Variants in PPP1R12B observed in about 807,000 individuals in gnomAD.
PPP1R12B encodes the protein myosin phosphatase target subunit 2.
PPP1R12B carries 76 observed loss-of-function variants against 126.1 expected under a neutral mutation model. That is an observed-to-expected ratio of 0.60 (90% CI 0.50 to 0.73). The LOEUF (loss-of-function observed/expected upper bound fraction) is 0.73, where lower values mean the gene tolerates loss of function less well. PPP1R12B is among the 30% of genes least tolerant of loss of function. The pLI is 0.00. For synonymous variants in PPP1R12B, 356 were observed against 434.7 expected, an observed-to-expected ratio of 0.82 and a Z score of 2.25; for missense variants, 1,052 against 1,205.1, an observed-to-expected ratio of 0.87 and a Z score of 1.88.
intron 18 of PPP1R12B, among the ~76,000 whole-genome samples, chr1:202,552,420 T>C (rs1447509190): frequency 3.3e-5 from 5 of 152,232 alleles, no homozygotes; most frequent in Non-Finnish European, 1.5e-5. Context: ...CTTAGACTTA[T>C]ATATGAAACC....
intron 1 of PPP1R12B, among the ~76,000 whole-genome samples, chr1:202,375,045 C>T (rs1193440093): frequency 2.0e-5 from 3 of 152,124 alleles, no homozygotes; most frequent in Admixed American, 6.5e-5. Context: ...TGGGTTCAAG[C>T]GATTCTCATG....
chr1:202,437,551 T>C (rs1670992156), intron 9 of PPP1R12B, among the ~76,000 whole-genome samples: 1 of 152,132 alleles, frequency 6.6e-6, no homozygotes, highest in South Asian at 2.1e-4. Flanking sequence ...TGCACAGAGA[T>C]AGCAAATTTC....
intron 1 of PPP1R12B, among the ~76,000 whole-genome samples, chr1:202,412,544 C>T (rs530518887): frequency 6.6e-6 from 1 of 152,282 alleles, no homozygotes; most frequent in East Asian, 1.9e-4. Context: ...TAAAAGTCTG[C>T]TTGATAGTAG....
intron 1 of PPP1R12B, among the ~76,000 whole-genome samples, chr1:202,404,657 G>A (rs1383800004): frequency 1.3e-5 from 2 of 151,890 alleles, no homozygotes; most frequent in Non-Finnish European, 2.9e-5. Flanking sequence ...GTGCCACCAC[G>A]CCTGGCTAAT....
At position 202,588,874 on chromosome 1, in the gene PPP1R12B, T is replaced by TAGATAAG. The variant is rs1436831372; in HGVS notation, c.*8314_*8315insAGATAAG. 2 of 104,636 alleles carry TAGATAAG rather than the reference T, an allele frequency of 1.9e-5. No individual in the cohort carries two copies. The highest frequency in any genetic ancestry group is 7.2e-5 in the African/African-American group (2 of 27,694). The allele number at this position is 104,636 out of a possible 1,614,324, so 6.5% of individuals were successfully genotyped here. On this transcript the variant is annotated 3_prime_UTR_variant, in exon 24 of 24. Coordinates refer to ENST00000608999, the MANE Select transcript of PPP1R12B (RefSeq NM_002481.4). ...AGATAGATAGATAGATAGATAGATA[T>TAGATAAG]CAAGGTTCCAAGCTTCAAGTAACCA... is the stretch of plus-strand genomic sequence containing the variant.
intron 13 of PPP1R12B, among the ~76,000 whole-genome samples, chr1:202,450,084 C>T (rs1672748748): frequency 6.6e-6 from 1 of 152,166 alleles, no homozygotes; most frequent in South Asian, 2.1e-4. Context: ...ACCTGTGAAG[C>T]ACAGAGAAGG....
intron 2 of PPP1R12B, among the ~76,000 whole-genome samples, chr1:202,418,554 A>G (rs565600707): frequency 6.6e-5 from 10 of 152,252 alleles, no homozygotes; most frequent in African/African-American, 2.2e-4. Context: ...CAATATAACA[A>G]TCTCTAGCTC....
At chr1:202,400,585 T>C (rs1665673081) in intron 1 of PPP1R12B, among the ~76,000 whole-genome samples, 1 of 152,192 alleles carries the variant, frequency 6.6e-6, no homozygotes, top group African/African-American at 2.4e-5. Flanking sequence ...TGTGTAAATA[T>C]ATGAGGGCAT....
At position 202,505,854 on chromosome 1, in the gene PPP1R12B, A is replaced by AT. The variant is rs534512646; in HGVS notation, c.2490+9043dup. 1.0e-3 allele frequency among the ~76,000 whole-genome samples: 156 copies of AT among 148,996 alleles called. 2 individuals carry two copies. In the South Asian group the frequency reaches 0.025, roughly 24 times the overall value. ...TTCTCCTCTTAACCTGTTTAGGCAG[A>AT]TTTTTTTTTTTAAAAGGGAAAGATA... is the stretch of plus-strand genomic sequence containing the variant. On this transcript the variant is annotated intron_variant, in intron 18 of 23. Coordinates refer to ENST00000608999, the MANE Select transcript of PPP1R12B (RefSeq NM_002481.4).
chr1:202,439,659 G>A (rs1454029063), intron 10 of PPP1R12B: 122 of 711,960 alleles, frequency 1.7e-4, no homozygotes, highest in African/African-American at 1.6e-3. Flanking sequence ...TGCCCTTCCT[G>A]GTCCGGCCCC....
At chr1:202,528,724 G>GTT (rs139329641) in intron 18 of PPP1R12B, among the ~76,000 whole-genome samples, 2 of 146,870 alleles carry the variant, frequency 1.4e-5, no homozygotes, top group African/African-American at 5.0e-5. Context: ...GGACTGAAAG[G>GTT]TTTTTTTTTT....
chr1:202,391,401 T>G (rs1664140513), intron 1 of PPP1R12B, among the ~76,000 whole-genome samples: 4 of 151,914 alleles, frequency 2.6e-5, no homozygotes, highest in Admixed American at 2.6e-4. Flanking sequence ...GAGGGTGTGG[T>G]GAAATTGGAG....
At chr1:202,575,860 C>T (rs2149039010) in intron 23 of PPP1R12B, 1 of 152,300 alleles carries the variant, frequency 6.6e-6, no homozygotes, top group South Asian at 2.1e-4. Context: ...CGGCTGACAA[C>T]ATTACCGATG....
At position 202,524,572 on chromosome 1, in the gene PPP1R12B, G is replaced by A. The variant is rs188672917; in HGVS notation, c.2490+27750G>A. Among the ~76,000 whole-genome samples, 15 of 152,044 alleles carry A rather than the reference G, an allele frequency of 9.9e-5. No individual in the cohort carries two copies. The East Asian group carries it at 2.3e-3, about 24-fold the overall frequency. On this transcript the variant is annotated intron_variant, in intron 18 of 23. Coordinates refer to ENST00000608999, the MANE Select transcript of PPP1R12B (RefSeq NM_002481.4). ...TCCATTGTATCACTGACACCTTTTC[G>A]TCCTCATAGCTTAGCTCCCTCTTAT...
At chr1:202,473,279 A>G (rs1241409001) in intron 13 of PPP1R12B, among the ~76,000 whole-genome samples, 4 of 152,184 alleles carry the variant, frequency 2.6e-5, no homozygotes, top group African/African-American at 9.7e-5. Flanking sequence ...AATCTTCCTG[A>G]TCTGTAGCTA....
chr1:202,474,560 G>C (rs1233834584), intron 13 of PPP1R12B, among the ~76,000 whole-genome samples: 2 of 152,152 alleles, frequency 1.3e-5, no homozygotes, highest in African/African-American at 4.8e-5. Context: ...TTATAGGCAT[G>C]AGCCACCGCG....
intron 10 of PPP1R12B, chr1:202,438,987 C>A: frequency 1.3e-6 from 2 of 1,490,402 alleles, no homozygotes; most frequent in Non-Finnish European, 1.9e-6. Flanking sequence ...GAGCGCATGG[C>A]CCTGGCCAAC....
chr1:202,379,555 A>C (rs1395807528), intron 1 of PPP1R12B, among the ~76,000 whole-genome samples: 3 of 152,218 alleles, frequency 2.0e-5, no homozygotes, highest in Non-Finnish European at 4.4e-5. Context: ...CACTGCTAGT[A>C]TTCTAGTTGA....
chr1:202,352,494 G>C (rs2148367893), intron 1 of PPP1R12B, among the ~76,000 whole-genome samples: 1 of 152,192 alleles, frequency 6.6e-6, no homozygotes, highest in Admixed American at 6.5e-5. Flanking sequence ...GAGGGATGCT[G>C]GATTTCAGTC....
Sources: allele counts gnomAD v4.1 joint callset (sites outside exome capture counted in the v4.1 genomes callset), GRCh38; gene constraint gnomAD v4.1.1; transcripts MANE v1.5; gene names NCBI Gene and HGNC (gene_info 2026-07-23, HGNC 2026-07-21).